The following TMEM217 variants were observed in gnomAD, a reference collection of about 807,000 sequenced individuals.
TMEM217 encodes the protein chromosome 6 open reading frame 128.
For missense variants in TMEM217, 204 were observed against 248.8 expected (o/e 0.82, Z 1.21); for synonymous variants, 76 against 88.3 (o/e 0.86, Z 0.78).
At chr6:37,214,158 A>G (rs1178237438), downstream of TMEM217, among the ~76,000 whole-genome samples, 4 of 152,234 alleles carry the variant, frequency 2.6e-5, no homozygotes, top group African/African-American at 9.6e-5. Context: ...TGAATGTGCA[A>G]TTCAGTGACA....
Position 37,212,525 on chromosome 6 carries a change from T to C in TMEM217, c.*472A>G, listed in dbSNP as rs753165670. The C allele has an allele frequency of 2.0e-4, 93 of 457,842 alleles. 1 individual carries two copies. The highest frequency in any genetic ancestry group is 1.4e-3 in the South Asian group (92 of 64,572). The allele number at this position is 457,842 out of a possible 1,614,324, so 28.4% of individuals were successfully genotyped here. On this transcript the variant is annotated 3_prime_UTR_variant, in exon 4 of 4. Coordinates refer to the TMEM217 transcript ENST00000336655. Reference sequence around the variant, plus strand: ...TTCCTGCCCACAGTCTGGGATTCCTTGTAAAGGTTGTATGCATGCTTGACG... The same window carrying C: ...TTCCTGCCCACAGTCTGGGATTCCTCGTAAAGGTTGTATGCATGCTTGACG...
chr6:37,233,023 C>G (rs1158023660), intron 1 of TMEM217, among the ~76,000 whole-genome samples: 1 of 152,184 alleles, frequency 6.6e-6, no homozygotes, highest in East Asian at 1.9e-4. Flanking sequence ...AATGCAATGT[C>G]CACTACACTG....
At chr6:37,254,635 C>G (rs1765615501) in intron 1 of TMEM217, among the ~76,000 whole-genome samples, 1 of 152,182 alleles carries the variant, frequency 6.6e-6, no homozygotes, top group Non-Finnish European at 1.5e-5. Context: ...AATATGTGAA[C>G]AACATAGAAT....
intron 1 of TMEM217, among the ~76,000 whole-genome samples, chr6:37,226,596 C>A (rs866248462): frequency 2.0e-5 from 3 of 148,622 alleles, no homozygotes; most frequent in African/African-American, 5.0e-5. Flanking sequence ...TGCGCCCGGC[C>A]GAGACAGAGT....
At chr6:37,216,307 G>T (rs1347055367), downstream of TMEM217, among the ~76,000 whole-genome samples, 1 of 152,074 alleles carries the variant, frequency 6.6e-6, no homozygotes, top group Non-Finnish European at 1.5e-5. Context: ...TTGAACTCCT[G>T]ACCTCAAGTG....
At chr6:37,257,629 G>T in exon 1 of TMEM217, 3 of 427,544 alleles carry the variant, frequency 7.0e-6, no homozygotes, top group Non-Finnish European at 1.3e-5. Context: ...TCCAAGCTCC[G>T]CCTTCCCCGT....
chr6:37,227,420 T>A (rs1441356936), intron 1 of TMEM217, among the ~76,000 whole-genome samples: 1 of 152,208 alleles, frequency 6.6e-6, no homozygotes, highest in Non-Finnish European at 1.5e-5. Flanking sequence ...GTGTGTACTC[T>A]TGATTGCTCT....
chr6:37,255,895 A>T (rs1461529906), intron 1 of TMEM217, among the ~76,000 whole-genome samples: 1 of 152,234 alleles, frequency 6.6e-6, no homozygotes, highest in Admixed American at 6.5e-5. Context: ...GTGAATTTTT[A>T]AAAAATCTTG....
At chr6:37,222,262 A>G (rs1307273830) in intron 1 of TMEM217, among the ~76,000 whole-genome samples, 4 of 152,136 alleles carry the variant, frequency 2.6e-5, no homozygotes, top group African/African-American at 4.8e-5. Flanking sequence ...GTGGGGCCTT[A>G]CTGAGGACCC....
At chr6:37,229,140 T>C (rs1409432457) in intron 1 of TMEM217, among the ~76,000 whole-genome samples, 2 of 152,136 alleles carry the variant, frequency 1.3e-5, no homozygotes, top group Non-Finnish European at 2.9e-5. Flanking sequence ...TCCTCGTTGA[T>C]AGTTTCAAGA....
At chr6:37,228,968 G>T (rs1190569805) in intron 1 of TMEM217, among the ~76,000 whole-genome samples, 2 of 151,850 alleles carry the variant, frequency 1.3e-5, no homozygotes, top group African/African-American at 2.4e-5. Flanking sequence ...CTGCACTCCA[G>T]CCTGGGTGAC....
Position 37,258,012 on chromosome 6 carries a change from A to G in TMEM217, c.-456T>C, listed in dbSNP as rs199521643. On this transcript the variant is annotated 5_prime_UTR_variant, in exon 1 of 2. Coordinates refer to ENST00000357219, the Ensembl canonical transcript of TMEM217. The stretch of plus-strand genomic sequence containing the variant: ...GCTGAGAGGGATAGGGGATTGGACC[A>G]AACCCTTCCAGATCCTAATCCCTGA... 18 of 1,606,082 alleles carry G rather than the reference A, an allele frequency of 1.1e-5. No individual in the cohort carries two copies. The East Asian group carries it at 4.0e-4, about 36-fold the overall frequency.
At chr6:37,212,789 T>A (rs539598770), downstream of TMEM217, 2 of 726,606 alleles carry the variant, frequency 2.8e-6, no homozygotes, top group Non-Finnish European at 5.0e-6. Context: ...GAGAGGCCAG[T>A]GCTGATATTA....
intron 1 of TMEM217, among the ~76,000 whole-genome samples, chr6:37,222,406 C>T (rs1387435538): frequency 2.0e-5 from 3 of 152,238 alleles, no homozygotes; most frequent in Admixed American, 2.0e-4. Flanking sequence ...AGCAGACATC[C>T]GGGAGCCTGC....
exon 2 of TMEM217, chr6:37,217,713 C>T (rs1417917367): frequency 3.6e-5 from 35 of 985,366 alleles, no homozygotes; most frequent in Non-Finnish European, 4.1e-5. Flanking sequence ...AATCATAGCA[C>T]AAACCCACCC....
chr6:37,236,598 T>C (rs1054146220), intron 1 of TMEM217, among the ~76,000 whole-genome samples: 2 of 152,214 alleles, frequency 1.3e-5, no homozygotes, highest in South Asian at 4.1e-4. Flanking sequence ...GCTTCACCAT[T>C]TACTGTGAAT....
At chr6:37,235,258 A>G (rs913475067) in intron 1 of TMEM217, among the ~76,000 whole-genome samples, 2 of 152,222 alleles carry the variant, frequency 1.3e-5, no homozygotes, top group Admixed American at 6.5e-5. Context: ...GAATGTTGGC[A>G]ACATTTTAAA....
intron 1 of TMEM217, among the ~76,000 whole-genome samples, chr6:37,224,219 G>A (rs1036646204): frequency 1.3e-4 from 20 of 151,098 alleles, no homozygotes; most frequent in Admixed American, 6.6e-4. Context: ...GATTACAGGC[G>A]TGAGCCACCG....
At chr6:37,240,493 T>TGAGA (rs149590438) in intron 1 of TMEM217, among the ~76,000 whole-genome samples, 141 of 149,850 alleles carry the variant, frequency 9.4e-4, no homozygotes, top group Non-Finnish European at 1.1e-3. Context: ...GAGTAAGTGA[T>TGAGA]GAGAGAGAGA....
Sources: gnomAD v4.1 joint callset for allele counts (sites outside exome capture counted in the v4.1 genomes callset) on GRCh38, gnomAD v4.1.1 for gene constraint, MANE v1.5 for transcripts, NCBI Gene and HGNC (gene_info 2026-07-23, HGNC 2026-07-21) for gene names.